TRPM7: variants seen among roughly 807,000 people sequenced by gnomAD.
TRPM7 encodes the protein LTRPC ion channel family member 7.
Under a neutral mutation model 229.7 loss-of-function variants are expected in TRPM7, and 134 were observed. The ratio of observed to expected loss-of-function variants is 0.58; its 90% CI spans 0.51 to 0.67. The LOEUF (loss-of-function observed/expected upper bound fraction) is 0.67. Ranked by LOEUF, TRPM7 falls within the 30% of genes least tolerant of loss-of-function variation. TRPM7 has a pLI of 0.00. For synonymous variants in TRPM7, 699 were observed against 715.2 expected (o/e 0.98, Z 0.36); for missense variants, 1,901 against 2,210.0 (o/e 0.86, Z 2.80).
Position 50,632,978 on chromosome 15 carries a change from G to T in TRPM7, c.1022C>A (p.Ala341Glu). The T allele has an allele frequency of 1.9e-6, 3 of 1,583,366 alleles. No individual in the cohort carries two copies. Among genetic ancestry groups the T allele is most frequent in the Non-Finnish European group, 2.6e-6 (3 of 1,171,588 alleles). ...AGTGGAAATAATATCGGGCTCTGCT[G>T]CATCAGGAAGATTCCTGGAATAAAA... is the stretch of plus-strand genomic sequence containing the variant. ...QTEEGGNLPD[A>E]AEPDIISTIK... Residue 341 changes from alanine to glutamate, a missense_variant, in exon 9 of 39, where the codon GCA (alanine) becomes GAA (glutamate). By Grantham distance (107) the Ala-to-Glu change is moderately radical. This residue lies in a region of TRPM7 where 794 missense variants were observed against 881.9 expected (regional missense o/e 0.90). Coordinates refer to ENST00000646667, the MANE Select transcript of TRPM7 (RefSeq NM_017672.6).
At chr15:50,584,735 T>G (rs924181001) in intron 28 of TRPM7, among the ~76,000 whole-genome samples, 1 of 152,042 alleles carries the variant, frequency 6.6e-6, no homozygotes, top group African/African-American at 2.4e-5. Context: ...TACTCAAAAA[T>G]TTTGGATTTA....
intron 28 of TRPM7, among the ~76,000 whole-genome samples, chr15:50,583,472 G>A (rs2054525548): frequency 6.6e-6 from 1 of 151,934 alleles, no homozygotes; most frequent in Non-Finnish European, 1.5e-5. Flanking sequence ...TTCTTCCTGG[G>A]ATATTTGTAT....
chr15:50,658,320 T>C (rs892075132), intron 2 of TRPM7, among the ~76,000 whole-genome samples: 1 of 151,822 alleles, frequency 6.6e-6, no homozygotes. Context: ...TCCACACCTA[T>C]AATTGCAACA....
chr15:50,631,063 A>C (rs1321518214), intron 10 of TRPM7, among the ~76,000 whole-genome samples: 1 of 152,078 alleles, frequency 6.6e-6, no homozygotes. Context: ...CCTGGCCTCA[A>C]GTGATCCTCC....
chr15:50,623,303 C>G (rs1347996665), intron 12 of TRPM7, among the ~76,000 whole-genome samples: 1 of 151,160 alleles, frequency 6.6e-6, no homozygotes, highest in African/African-American at 2.4e-5. Flanking sequence ...TCCCAGCTAC[C>G]TGGGAGGCTG....
intron 3 of TRPM7, among the ~76,000 whole-genome samples, chr15:50,654,873 C>T (rs535656281): frequency 2.1e-4 from 31 of 149,768 alleles, no homozygotes; most frequent in African/African-American, 6.8e-4. Flanking sequence ...TGGCAGCAGG[C>T]ACCTGTAGTC....
At chr15:50,595,678 T>C (rs1344214060) in intron 23 of TRPM7, among the ~76,000 whole-genome samples, 1 of 151,836 alleles carries the variant, frequency 6.6e-6, no homozygotes, top group Admixed American at 6.6e-5. Context: ...CCGGCCAACA[T>C]GGTGAAACCT....
In TRPM7 at chr15:50,578,715, T is replaced by C. The variant is rs551682844; in HGVS notation, c.4593-51A>G. 1.6e-5 allele frequency: 22 copies of C among 1,389,508 alleles called. No individual in the cohort carries two copies. In the African/African-American group the frequency reaches 2.2e-4, roughly 14 times the overall value. The allele number at this position is 1,389,508 out of a possible 1,614,324, so 86.1% of individuals were successfully genotyped here. On this transcript the variant is annotated intron_variant, in intron 30 of 38. Transcript: ENST00000646667. ...ATAAGCTGTGCTATGATTTAAGTTTTGGCTATCATTTAATTTTTTGATTTT... is the reference window on the plus strand; with the variant it reads ...ATAAGCTGTGCTATGATTTAAGTTTCGGCTATCATTTAATTTTTTGATTTT...
At chr15:50,619,845 T>A (rs781158835) in intron 12 of TRPM7, 47 bp from the exon 13 acceptor site, 1 of 1,496,674 alleles carries the variant, frequency 6.7e-7, no homozygotes, top group Non-Finnish European at 9.2e-7. Flanking sequence ...TCTTCTAAAC[T>A]AATTTAAACC....
rs554786789 is a variant in TRPM7, at chr15:50,627,916, C to T, written c.1305+233G>A. On this transcript the variant is annotated intron_variant, in intron 11 of 38. Transcript: ENST00000646667. ...ATACAGAGCATGAGTTTTAAAGCTT[C>T]TTTCAGTTCTAAGATTCTTAGAGAT... 5.9e-5 allele frequency among the ~76,000 whole-genome samples: 9 copies of T among 152,276 alleles called. No individual in the cohort carries two copies. In the South Asian group the frequency reaches 1.9e-3, roughly 32 times the overall value.
chr15:50,673,204 T>C (rs530934622), intron 1 of TRPM7, among the ~76,000 whole-genome samples: 2 of 152,292 alleles, frequency 1.3e-5, no homozygotes, highest in Admixed American at 1.3e-4. Flanking sequence ...CCAGAACAAC[T>C]TCCAGGTCCA....
intron 7 of TRPM7, among the ~76,000 whole-genome samples, chr15:50,636,554 T>A (rs1013541679): frequency 6.6e-6 from 1 of 152,190 alleles, no homozygotes; most frequent in Non-Finnish European, 1.5e-5. Context: ...TCTGTAGTTT[T>A]TTTATTTCTA....
At chr15:50,623,489 C>CG (rs749011836) in intron 12 of TRPM7, among the ~76,000 whole-genome samples, 1 of 113,242 alleles carries the variant, frequency 8.8e-6, no homozygotes, top group Non-Finnish European at 2.0e-5. Context: ...GCTGCCCCGC[C>CG]CCCTCCCCGC....
In TRPM7 at chr15:50,613,721, G is replaced by T; in HGVS notation, c.1756C>A (p.Pro586Thr). Residue 586 changes from proline to threonine, a missense_variant, in exon 15 of 39, where the codon CCC becomes ACC. Around this residue, in one of 8 missense-constraint regions of TRPM7, gnomAD observed 794 missense variants for 881.9 expected, o/e 0.90. Coordinates refer to ENST00000646667, the MANE Select transcript of TRPM7 (RefSeq NM_017672.6). Reference sequence around the variant, plus strand: ...AATAAATTTACCTTTGGTCGGTAGGGCTGTGCTGTCTTAATGAAATGGTTA... The same window carrying T: ...AATAAATTTACCTTTGGTCGGTAGGTCTGTGCTGTCTTAATGAAATGGTTA... The part of the protein sequence containing the change: ...RHNHFIKTAQ[P>T]YRPKIDTVME... 1 of 1,603,244 alleles carries T rather than the reference G, an allele frequency of 6.2e-7. No individual in the cohort carries two copies. Among genetic ancestry groups the T allele is most frequent in the Non-Finnish European group, 8.5e-7 (1 of 1,175,328 alleles).
intron 33 of TRPM7, 37 bp downstream of exon 33, chr15:50,575,683 GTTAA>G: frequency 6.5e-7 from 1 of 1,532,366 alleles, no homozygotes; most frequent in Non-Finnish European, 8.9e-7. Context: ...TCATTAAAGG[GTTAA>G]TTTTCACTTA....
chr15:50,620,447 A>G (rs961505228), intron 12 of TRPM7, among the ~76,000 whole-genome samples: 1 of 152,116 alleles, frequency 6.6e-6, no homozygotes, highest in Non-Finnish European at 1.5e-5. Context: ...TATATGCCAT[A>G]ATTTTGCCAT....
intron 16 of TRPM7, among the ~76,000 whole-genome samples, chr15:50,611,767 A>G (rs2060068441): frequency 6.6e-6 from 1 of 152,206 alleles, no homozygotes; most frequent in African/African-American, 2.4e-5. Flanking sequence ...ATCCCTGTTA[A>G]AGAGTTATTT....
At chr15:50,624,453 C>G (rs575647591) in intron 11 of TRPM7, among the ~76,000 whole-genome samples, 153 bp from the exon 12 acceptor site, 5 of 152,242 alleles carry the variant, frequency 3.3e-5, no homozygotes, top group Admixed American at 3.3e-4. Flanking sequence ...GCTAATAAGA[C>G]TTTAGGTGTT....
chr15:50,598,234 C>A (rs1462424762), intron 22 of TRPM7, among the ~76,000 whole-genome samples: 1 of 152,070 alleles, frequency 6.6e-6, no homozygotes, highest in Admixed American at 6.5e-5. Flanking sequence ...TTCTATATCT[C>A]AAATGTGGAA....
Sources: gnomAD v4.1 joint callset for allele counts (sites outside exome capture counted in the v4.1 genomes callset) on GRCh38, gnomAD v4.1.1 for gene constraint, gnomAD v4.1.1 regional missense constraint, MANE v1.5 for transcripts, NCBI Gene and HGNC (gene_info 2026-07-23, HGNC 2026-07-21) for gene names.